PRSS53: variants seen among roughly 807,000 people sequenced by gnomAD.
The protein encoded by PRSS53 is EDTP308.
PRSS53 carries 54 observed loss-of-function variants against 62.7 expected under a neutral mutation model. The ratio of observed to expected loss-of-function variants is 0.86; its 90% CI spans 0.69 to 1.08. The LOEUF (loss-of-function observed/expected upper bound fraction) is 1.08, where lower values mean the gene tolerates loss of function less well. PRSS53 is among the 50% of genes least tolerant of loss of function. PRSS53 has a pLI of 0.00. For synonymous variants in PRSS53, 273 were observed against 300.0 expected, an observed-to-expected ratio of 0.91 and a Z score of 0.93; for missense variants, 688 against 728.3, an observed-to-expected ratio of 0.94 and a Z score of 0.64.
Position 31,087,832 on chromosome 16 carries a change from AAGAG to A in PRSS53, c.59-10_59-7del. The A allele has an allele frequency of 6.2e-7, 1 of 1,613,858 alleles. No homozygotes were observed. Among genetic ancestry groups the A allele is most frequent in the African/African-American group, 1.3e-5 (1 of 75,024 alleles). ...ACGCTGAGCGGCTTGAAGACCTGGG[AAGAG>A]AGAGACACAGGTAAGATGCAGGGAC... is the stretch of plus-strand genomic sequence containing the variant. On this transcript the variant is annotated splice_region_variant and splice_polypyrimidine_tract_variant and intron_variant, in intron 1 of 10. Coordinates refer to ENST00000280606, the Ensembl canonical transcript of PRSS53.
At position 31,086,666 on chromosome 16, in the gene PRSS53, A is replaced by G. The variant is rs746973707; in HGVS notation, c.475T>C (p.Trp159Arg). Reference sequence around the variant, plus strand: ...GTGTCCTGATCCCAGCCAGTGGCCCAGCAGGAGGCTCCAAAGGGGAAGCGA... The same window carrying G: ...GTGTCCTGATCCCAGCCAGTGGCCCGGCAGGAGGCTCCAAAGGGGAAGCGA... Residue 159 changes from tryptophan (W) to arginine (R), a missense_variant, in exon 4 of 11, where the codon TGG (tryptophan) becomes CGG (arginine). Physicochemically the swap from Trp to Arg is moderately radical, Grantham distance 101. Coordinates refer to ENST00000280606, the Ensembl canonical transcript of PRSS53. 1.9e-6 allele frequency: 3 copies of G among 1,543,840 alleles called. No homozygotes were observed. In the Admixed American group the frequency reaches 5.8e-5, roughly 30 times the overall value.
chr16:31,084,541 G>A lies in PRSS53; in HGVS notation c.1425+17C>T, dbSNP rs1048611531. 1.9e-6 allele frequency: 3 copies of A among 1,597,160 alleles called. No homozygotes were observed. Among genetic ancestry groups the A allele is most frequent in the Non-Finnish European group, 2.6e-6 (3 of 1,173,006 alleles). On this transcript the variant is annotated intron_variant, in intron 9 of 10. Transcript: ENST00000280606. Reference sequence around the variant, plus strand: ...GCCAGGGGCCTGTTAGGTAAGGTGTGGGGGCCTGGGGCTCACCTCACAGCT... The same window carrying A: ...GCCAGGGGCCTGTTAGGTAAGGTGTAGGGGCCTGGGGCTCACCTCACAGCT...
At chr16:31,084,988 C>A in exon 8 of PRSS53, 1 of 1,575,120 alleles carries the variant, frequency 6.3e-7, no homozygotes, top group South Asian at 1.2e-5. Flanking sequence ...CCGGTCTGGT[C>A]CCCAGCCCTA....
At chr16:31,086,246 A>G in intron 5 of PRSS53, 63 bp from the exon 6 acceptor site, 1 of 1,588,724 alleles carries the variant, frequency 6.3e-7, no homozygotes, top group Non-Finnish European at 8.6e-7. Flanking sequence ...ACACCCTCTG[A>G]TTGCAGGTCT....
chr16:31,083,760 C>T lies in PRSS53; in HGVS notation c.*30G>A, dbSNP rs751073555. ...GTAATGCCATTTGCCTGCCTGCATT[C>T]TCTTGTCCTGAGAATGGCCAGGTCC... On this transcript the variant is annotated 3_prime_UTR_variant, in exon 11 of 11. Coordinates refer to ENST00000280606, the Ensembl canonical transcript of PRSS53. The T allele has an allele frequency of 2.5e-6, 4 of 1,614,160 alleles. No homozygotes were observed. The South Asian group carries it at 3.3e-5, about 13-fold the overall frequency.
At chr16:31,086,956 T>C (rs2143884314) in intron 3 of PRSS53, 58 bp from the exon 4 acceptor site, 2 of 1,499,334 alleles carry the variant, frequency 1.3e-6, no homozygotes, top group East Asian at 2.3e-5. Context: ...AGTGACACCA[T>C]GGGAGACCCC....
rs200180874 is a variant in PRSS53, at chr16:31,086,636, C to T, written c.505G>A (p.Asp169Asn). 1.6e-5 allele frequency: 25 copies of T among 1,536,178 alleles called. No individual in the cohort carries two copies. Among genetic ancestry groups the T allele is most frequent in the Admixed American group, 8.0e-5 (4 of 50,176 alleles). The change falls in exon 4 of 11, where the codon GAT (aspartate) becomes AAT (asparagine). Residue 169 changes from aspartate (D) to asparagine (N), a missense_variant. Transcript: ENST00000280606. ...TTCAGTCTGGGCCAGCACTTACCAT[C>T]ACTGGTGTCCTGATCCCAGCCAGTG...
At chr16:31,084,671 G>A in exon 9 of PRSS53, 1 of 1,611,866 alleles carries the variant, frequency 6.2e-7, no homozygotes, top group Non-Finnish European at 8.5e-7. Flanking sequence ...GGCCCCAGGA[G>A]GGTCACGGGC....
intron 3 of PRSS53, 80 bp downstream of exon 3, chr16:31,087,457 G>A: frequency 9.7e-7 from 1 of 1,029,560 alleles, no homozygotes; most frequent in Non-Finnish European, 1.5e-6. Context: ...TCTAGAGGCA[G>A]GGACTAGCCT....
At chr16:31,087,604 C>T (rs778587446) in exon 3 of PRSS53, 1 of 1,610,732 alleles carries the variant, frequency 6.2e-7, no homozygotes, top group Admixed American at 1.7e-5. Flanking sequence ...CAGATGTGGG[C>T]TCCTTGCCTC....
Position 31,084,916 on chromosome 16 carries a change from G to C in PRSS53, c.1143C>G (p.Tyr381Ter), listed in dbSNP as rs568817652. ...GGGCCAGCAGCAGGAGGGCCATGTC[G>C]TAGCCCCCCTCAGGGTGGGTGTAGG... The change falls in exon 8 of 11, where the codon TAC becomes TAG. Residue 381 changes from tyrosine to a stop codon, truncating the protein, a stop_gained. Transcript: ENST00000280606. LOFTEE classifies it high-confidence loss of function. 9 of 1,542,482 alleles carry C rather than the reference G, an allele frequency of 5.8e-6. No individual in the cohort carries two copies. In the South Asian group the frequency reaches 9.7e-5, roughly 17 times the overall value.
rs2057258398 is a variant in PRSS53, at chr16:31,088,558, G to T, written c.58+194C>A. The T allele has an allele frequency of 5.6e-6, 8 of 1,433,760 alleles. No individual in the cohort carries two copies. In the South Asian group the frequency reaches 5.8e-5, roughly 10 times the overall value. The allele number at this position is 1,433,760 out of a possible 1,614,324, so 88.8% of individuals were successfully genotyped here. A position where few individuals can be genotyped will look rare whatever the true frequency, so the allele number is the denominator to read the frequency against. On this transcript the variant is annotated intron_variant, in intron 1 of 10. Coordinates refer to ENST00000280606, the Ensembl canonical transcript of PRSS53. The stretch of plus-strand genomic sequence containing the variant: ...GCCCCGCCAACGCAAACTGCAGCTG[G>T]CCCGAGAAAATCTCATCCATGTTGA...
In PRSS53 at chr16:31,086,192, A is replaced by G; in HGVS notation, c.664-9T>C. On this transcript the variant is annotated splice_polypyrimidine_tract_variant and intron_variant, in intron 5 of 10. Transcript: ENST00000280606. ...GGGCCCCCGGAATCTCCCTGGAGCCAGGCAACAAAGCCAAGGACAGATGCC... is the reference window on the plus strand; with the variant it reads ...GGGCCCCCGGAATCTCCCTGGAGCCGGGCAACAAAGCCAAGGACAGATGCC... 6.2e-7 allele frequency: 1 copy of G among 1,608,992 alleles called. No individual in the cohort carries two copies. The highest frequency in any genetic ancestry group is 8.5e-7 in the Non-Finnish European group (1 of 1,178,858).
exon 9 of PRSS53, chr16:31,084,581 C>T (rs372538045): frequency 9.3e-6 from 15 of 1,606,396 alleles, no homozygotes; most frequent in Non-Finnish European, 1.2e-5. Flanking sequence ...AGCTCACCCA[C>T]AGCACTGGTA....
chr16:31,083,438 C>A, exon 11 of PRSS53: 1 of 1,293,892 alleles, frequency 7.7e-7, no homozygotes, highest in East Asian at 3.4e-5. Context: ...TTTCTAAAGT[C>A]TATTTTGTAA....
chr16:31,085,384 G>T, intron 6 of PRSS53, 124 bp from the exon 7 acceptor site: 1 of 1,137,296 alleles, frequency 8.8e-7, no homozygotes. Flanking sequence ...CAAAGTTCCA[G>T]AGAGGTTAAG....
exon 11 of PRSS53, chr16:31,083,610 CCT>C (rs2057194120): frequency 2.0e-6 from 3 of 1,491,436 alleles, no homozygotes; most frequent in Admixed American, 2.1e-5. Context: ...CACAGACACC[CCT>C]GTCCTGCAGG....
chr16:31,084,450 C>CAGGTGGG, intron 9 of PRSS53, 108 bp downstream of exon 9: 3 of 1,496,980 alleles, frequency 2.0e-6, no homozygotes, highest in Non-Finnish European at 2.7e-6. Context: ...GGCTTAGTTT[C>CAGGTGGG]AGGTGGGAGG....
At chr16:31,087,905 G>A (rs1596791136) in intron 1 of PRSS53, 79 bp from the exon 2 acceptor site, 7 of 1,588,402 alleles carry the variant, frequency 4.4e-6, no homozygotes, top group Non-Finnish European at 6.0e-6. Context: ...ATGGGCTGGG[G>A]GGCGGGCCCA....
Sources: allele counts gnomAD v4.1 joint callset, GRCh38; gene constraint gnomAD v4.1.1; transcripts MANE v1.5; gene names NCBI Gene and HGNC (gene_info 2026-07-23, HGNC 2026-07-21).